The following CDH13 variants were observed in gnomAD, a reference collection of about 807,000 sequenced individuals.
CDH13 encodes the protein cadherin 13.
In CDH13, 24 loss-of-function variants were observed where a neutral mutation model predicts 63.8. That is an observed-to-expected ratio of 0.38 (90% CI 0.27 to 0.53). The LOEUF is 0.53. Ranked by LOEUF, CDH13 falls within the 20% of genes least tolerant of loss-of-function variation. The pLI, the probability that CDH13 is intolerant of heterozygous loss-of-function variation, is 0.85. For synonymous variants in CDH13, 503 were observed against 355.3 expected (o/e 1.42, Z -4.67); for missense variants, 1,049 against 903.1 (o/e 1.16, Z -2.07).
chr16:83,779,927 A>G, intron 11 of CDH13, 41 bp from the exon 12 acceptor site: 2 of 1,375,226 alleles, frequency 1.5e-6, no homozygotes, highest in Middle Eastern at 1.8e-4. Context: ...TTGCTCTCGC[A>G]TATACCAGTT....
chr16:83,190,627 T>G (rs550527454), intron 4 of CDH13, among the ~76,000 whole-genome samples: 2 of 152,262 alleles, frequency 1.3e-5, no homozygotes, highest in East Asian at 3.9e-4. Flanking sequence ...TAGAGACTGA[T>G]CAATTTACAT....
chr16:83,319,327 G>GGTGTTTCTCT (rs1476060273), intron 5 of CDH13, among the ~76,000 whole-genome samples: 1 of 151,950 alleles, frequency 6.6e-6, no homozygotes, highest in Non-Finnish European at 1.5e-5. Flanking sequence ...TTTATTCCTC[G>GGTGTTTCTCT]GTGTTTCTCT....
At chr16:82,921,138 C>T (rs1448336659) in intron 2 of CDH13, among the ~76,000 whole-genome samples, 1 of 152,124 alleles carries the variant, frequency 6.6e-6, no homozygotes, top group Admixed American at 6.5e-5. Flanking sequence ...TATTAGTTTT[C>T]TGTGGCTGCT....
intron 1 of CDH13, among the ~76,000 whole-genome samples, chr16:82,678,538 A>G (rs566170729): frequency 6.6e-5 from 10 of 152,326 alleles, no homozygotes; most frequent in African/African-American, 2.4e-4. Context: ...TTCTTGAATG[A>G]AACAAAGCCT....
intron 2 of CDH13, among the ~76,000 whole-genome samples, chr16:82,965,042 G>A (rs898818134): frequency 6.6e-6 from 1 of 152,206 alleles, no homozygotes; most frequent in Admixed American, 6.5e-5. Flanking sequence ...AAAGAAAGCA[G>A]TCTGAGACTT....
In CDH13 at chr16:82,899,812, C is replaced by T. The variant is rs187471832; in HGVS notation, c.157+41339C>T. On this transcript the variant is annotated intron_variant, in intron 2 of 13. Coordinates refer to ENST00000567109, the MANE Select transcript of CDH13 (RefSeq NM_001257.5). ...AAAACAAAGTGAATCGCTATGTGTT[C>T]GGTATAATGGGATTGAGAAGTAGAG... is the stretch of plus-strand genomic sequence containing the variant. Among the ~76,000 whole-genome samples, 142 of 152,278 alleles carry T rather than the reference C, an allele frequency of 9.3e-4. 1 individual carries two copies. Among genetic ancestry groups the T allele is most frequent in the African/African-American group, 3.0e-3 (123 of 41,566 alleles).
intron 2 of CDH13, among the ~76,000 whole-genome samples, chr16:83,001,573 G>A (rs1331240069): frequency 6.6e-6 from 1 of 152,332 alleles, no homozygotes; most frequent in African/African-American, 2.4e-5. Context: ...AATTGACTGG[G>A]AGGTATTTAT....
chr16:82,995,081 G>A (rs956174279), intron 2 of CDH13, among the ~76,000 whole-genome samples: 2 of 152,186 alleles, frequency 1.3e-5, no homozygotes, highest in African/African-American at 4.8e-5. Context: ...GTTAACTGCT[G>A]CTATCTTTAT....
At chr16:83,426,628 G>C (rs1313203041) in intron 6 of CDH13, among the ~76,000 whole-genome samples, 1 of 151,988 alleles carries the variant, frequency 6.6e-6, no homozygotes, top group Non-Finnish European at 1.5e-5. Context: ...TGGAAGAGGG[G>C]AATCCAACAT....
At chr16:83,391,277 C>A (rs961713558) in intron 6 of CDH13, among the ~76,000 whole-genome samples, 1 of 151,654 alleles carries the variant, frequency 6.6e-6, no homozygotes, top group African/African-American at 2.4e-5. Context: ...ATGATCTTGG[C>A]TTACTGCAAC....
intron 6 of CDH13, among the ~76,000 whole-genome samples, chr16:83,383,531 G>A (rs1329636019): frequency 6.6e-6 from 1 of 152,094 alleles, no homozygotes; most frequent in African/African-American, 2.4e-5. Flanking sequence ...TTTATGGTTG[G>A]CATTCTACTG....
At chr16:83,778,241 T>C (rs1169976061) in intron 11 of CDH13, among the ~76,000 whole-genome samples, 1 of 152,218 alleles carries the variant, frequency 6.6e-6, no homozygotes, top group Non-Finnish European at 1.5e-5. Flanking sequence ...GTGAAATACA[T>C]TATTAGGGCT....
chr16:83,079,493 A>G (rs965408834), intron 3 of CDH13, among the ~76,000 whole-genome samples: 5 of 152,176 alleles, frequency 3.3e-5, no homozygotes, highest in African/African-American at 1.2e-4. Flanking sequence ...ATGTGCTTTA[A>G]TGAGACTTAA....
At chr16:83,364,833 C>G (rs1338993579) in intron 6 of CDH13, among the ~76,000 whole-genome samples, 1 of 152,264 alleles carries the variant, frequency 6.6e-6, no homozygotes, top group African/African-American at 2.4e-5. Context: ...ACCACATGTT[C>G]TCCCTCATAA....
rs955841421 is a variant in CDH13, at chr16:82,736,038, A to G, written c.45+108901A>G. Among the ~76,000 whole-genome samples the G allele has an allele frequency of 5.9e-5, 9 of 152,214 alleles. No individual in the cohort carries two copies. The South Asian group carries it at 6.2e-4, about 11-fold the overall frequency. The stretch of plus-strand genomic sequence containing the variant: ...ACCTGCAAGAGTAAAAAGAGAACCA[A>G]TAAAAGCGATTCATGAAAAACCTGA... On this transcript the variant is annotated intron_variant, in intron 1 of 13. Transcript: ENST00000567109.
In CDH13 at chr16:83,623,718, G is replaced by A. The variant is rs112482337; in HGVS notation, c.1101+21124G>A. ...CACGCACTGGCCTCTCACATCATGG[G>A]CACTGGACCCTGTGGCTGAAAAGAA... On this transcript the variant is annotated intron_variant, in intron 8 of 13. Transcript: ENST00000567109. 2.0e-3 allele frequency among the ~76,000 whole-genome samples: 304 copies of A among 152,152 alleles called. 1 individual carries two copies. Among genetic ancestry groups the A allele is most frequent in the Non-Finnish European group, 3.9e-3 (262 of 68,034 alleles).
At chr16:83,535,993 C>T (rs1351747502) in intron 7 of CDH13, among the ~76,000 whole-genome samples, 3 of 152,014 alleles carry the variant, frequency 2.0e-5, no homozygotes, top group Non-Finnish European at 2.9e-5. Context: ...CCCATGGACA[C>T]CCACAGAAAC....
At chr16:83,752,741 T>C (rs1048781522) in intron 11 of CDH13, among the ~76,000 whole-genome samples, 1 of 152,202 alleles carries the variant, frequency 6.6e-6, no homozygotes, top group Admixed American at 6.5e-5. Context: ...TTTCTACATA[T>C]ACAAAATGAA....
chr16:83,774,178 G>C (rs1160711384), intron 11 of CDH13, among the ~76,000 whole-genome samples: 1 of 152,154 alleles, frequency 6.6e-6, no homozygotes, highest in East Asian at 1.9e-4. Context: ...GCAAGCCTAG[G>C]ACATTGGTCC....
Sources: allele counts gnomAD v4.1 joint callset (sites outside exome capture counted in the v4.1 genomes callset), GRCh38; gene constraint gnomAD v4.1.1; transcripts MANE v1.5; gene names NCBI Gene and HGNC (gene_info 2026-07-23, HGNC 2026-07-21).